The following PRIM2 variants were observed in gnomAD, a reference collection of about 807,000 sequenced individuals.
PRIM2 encodes DNA primase subunit 2, also known as DNA primase large subunit.
A neutral mutation model predicts 67.3 loss-of-function variants in PRIM2; 39 were observed. The observed-to-expected ratio is 0.58, with a 90% confidence interval of 0.45 to 0.76. The LOEUF is 0.76. PRIM2 is among the 30% of genes least tolerant of loss of function. PRIM2 has a pLI of 0.00. For missense variants in PRIM2, 398 were observed against 598.7 expected (o/e 0.66, Z 3.50); for synonymous variants, 143 against 198.7 (o/e 0.72, Z 2.36).
At chr6:57,438,032 A>G (rs1260578948) in intron 7 of PRIM2, among the ~76,000 whole-genome samples, 1 of 150,832 alleles carries the variant, frequency 6.6e-6, no homozygotes, top group Non-Finnish European at 1.5e-5. Context: ...TGAAAGAGGA[A>G]GTTAGATTTT....
chr6:57,311,916 C>T (rs116019314), upstream of PRIM2, among the ~76,000 whole-genome samples: 5,201 of 151,062 alleles, frequency 0.034, 285 homozygotes, highest in African/African-American at 0.12. Context: ...CAGGCCGAGG[C>T]GGGAGAATCA....
At chr6:57,354,117 A>G (rs1249435476) in intron 5 of PRIM2, among the ~76,000 whole-genome samples, 3 of 152,196 alleles carry the variant, frequency 2.0e-5, no homozygotes, top group Admixed American at 6.5e-5. Flanking sequence ...TTAAAACTAT[A>G]TAATTGAATG....
chr6:57,643,733 G>A (rs1410859568), intron 13 of PRIM2, among the ~76,000 whole-genome samples: 1 of 152,072 alleles, frequency 6.6e-6, no homozygotes, highest in Admixed American at 6.5e-5. Flanking sequence ...AAACATTTCA[G>A]AAACATTTTG....
chr6:57,300,777 C>T, the PRIM2 span, among the ~76,000 whole-genome samples: 2 of 152,202 alleles, frequency 1.3e-5, no homozygotes, highest in East Asian at 3.9e-4. Flanking sequence ...AATCCCAGCA[C>T]TTTGGGAGGC....
upstream of PRIM2, among the ~76,000 whole-genome samples, chr6:57,309,869 G>A (rs532564915): frequency 1.1e-3 from 170 of 152,286 alleles, no homozygotes; most frequent in African/African-American, 3.7e-3. Context: ...TAACTGGTGT[G>A]AGATGGTATC....
chr6:57,626,887 A>C (rs1776957769), intron 12 of PRIM2, among the ~76,000 whole-genome samples: 1 of 152,000 alleles, frequency 6.6e-6, no homozygotes, highest in African/African-American at 2.4e-5. Context: ...TGGCCTCCCA[A>C]AGTGCTGGGA....
At chr6:57,591,611 G>A (rs1776282900) in intron 10 of PRIM2, among the ~76,000 whole-genome samples, 1 of 152,082 alleles carries the variant, frequency 6.6e-6, no homozygotes, top group Admixed American at 6.6e-5. Flanking sequence ...TAAAAAGAAG[G>A]TTAAAATGTC....
At chr6:57,495,701 C>G (rs1433282680) in intron 7 of PRIM2, among the ~76,000 whole-genome samples, 2 of 152,138 alleles carry the variant, frequency 1.3e-5, no homozygotes, top group African/African-American at 4.8e-5. Flanking sequence ...TAGTAATAAT[C>G]TTGTCCACCT....
chr6:57,365,949 CAAAAAA>C lies in PRIM2; in HGVS notation c.460-13932_460-13927del, dbSNP rs5876544. On this transcript the variant is annotated intron_variant, in intron 5 of 13. Transcript: ENST00000615550. The stretch of plus-strand genomic sequence containing the variant: ...TGAGCAGCAGAGTGAGACCATATCT[CAAAAAA>C]AAAAAAAAAAAAAAAAAAAGAACTG... Among the ~76,000 whole-genome samples, 334 of 62,632 alleles carry C rather than the reference CAAAAAA, an allele frequency of 5.3e-3. 1 individual carries two copies. Among genetic ancestry groups the C allele is most frequent in the African/African-American group, 0.017 (322 of 18,826 alleles). 41.1% of individuals were successfully genotyped at this position (62,632 alleles called of 152,430 possible). A position where few individuals can be genotyped will look rare whatever the true frequency, so the allele number is the denominator to read the frequency against.
chr6:57,397,394 T>C (rs1228461629), intron 7 of PRIM2, among the ~76,000 whole-genome samples: 3 of 152,132 alleles, frequency 2.0e-5, no homozygotes, highest in Non-Finnish European at 4.4e-5. Flanking sequence ...CTTTGTTGGA[T>C]TGGGTTAATT....
intron 7 of PRIM2, among the ~76,000 whole-genome samples, chr6:57,457,756 C>G (rs1419360879): frequency 6.6e-6 from 1 of 152,190 alleles, no homozygotes; most frequent in Non-Finnish European, 1.5e-5. Context: ...ATGCCTGGCC[C>G]TGCCTCGGCT....
At chr6:57,642,016 T>C (rs1239053568) in intron 13 of PRIM2, among the ~76,000 whole-genome samples, 1 of 152,054 alleles carries the variant, frequency 6.6e-6, no homozygotes, top group Non-Finnish European at 1.5e-5. Flanking sequence ...GTAAAGAAAA[T>C]GTGGCACATA....
At chr6:57,549,824 G>T (rs1311158274) in intron 10 of PRIM2, among the ~76,000 whole-genome samples, 16 of 152,226 alleles carry the variant, frequency 1.1e-4, no homozygotes, top group Non-Finnish European at 1.9e-4. Context: ...TATGGCTCAC[G>T]CCTGTAATCC....
chr6:57,479,989 A>G, intron 7 of PRIM2, among the ~76,000 whole-genome samples: 1 of 152,368 alleles, frequency 6.6e-6, no homozygotes, highest in South Asian at 2.1e-4. Context: ...AAAGAAGGCA[A>G]TTTGAAAGGG....
intron 10 of PRIM2, among the ~76,000 whole-genome samples, chr6:57,564,698 A>T (rs1240310935): frequency 6.6e-6 from 1 of 152,208 alleles, no homozygotes; most frequent in African/African-American, 2.4e-5. Context: ...GTGAGAAGGT[A>T]GATAGGGAAA....
At chr6:57,482,152 A>G (rs1773644295) in intron 7 of PRIM2, among the ~76,000 whole-genome samples, 1 of 123,728 alleles carries the variant, frequency 8.1e-6, no homozygotes, top group South Asian at 2.2e-4. Context: ...GACAAAAATA[A>G]TTTGGATTTT....
At chr6:57,409,888 A>G (rs1771026419) in intron 7 of PRIM2, among the ~76,000 whole-genome samples, 1 of 152,056 alleles carries the variant, frequency 6.6e-6, no homozygotes, top group Non-Finnish European at 1.5e-5. Flanking sequence ...AGCATGAAGA[A>G]TTTTTCCTGT....
intron 10 of PRIM2, among the ~76,000 whole-genome samples, chr6:57,561,228 C>CT (rs1775621857): frequency 6.6e-6 from 1 of 152,030 alleles, no homozygotes; most frequent in African/African-American, 2.4e-5. Context: ...TAGCATCAAA[C>CT]TTTTTTTGGT....
intron 7 of PRIM2, among the ~76,000 whole-genome samples, chr6:57,500,901 A>G (rs1175296748): frequency 2.6e-5 from 4 of 152,232 alleles, no homozygotes; most frequent in Non-Finnish European, 5.9e-5. Context: ...TAAGTGATTC[A>G]GTCTCCAGAG....
Sources: gnomAD v4.1 joint callset for allele counts (sites outside exome capture counted in the v4.1 genomes callset) on GRCh38, gnomAD v4.1.1 for gene constraint, MANE v1.5 for transcripts, NCBI Gene and HGNC (gene_info 2026-07-23, HGNC 2026-07-21) for gene names.